PPP1CC: variants seen among roughly 807,000 people sequenced by gnomAD.
PPP1CC encodes the protein serine/threonine-protein phosphatase PP1-gamma catalytic subunit.
PPP1CC carries 16 observed loss-of-function variants against 38.4 expected under a neutral mutation model. That is an observed-to-expected ratio of 0.42 (90% CI 0.28 to 0.63). PPP1CC has a LOEUF of 0.63. Among genes scored for constraint, PPP1CC ranks in the 30% least tolerant of loss-of-function variants. The pLI is 0.25. For missense variants in PPP1CC, 170 were observed against 391.3 expected (o/e 0.43, Z 4.77); for synonymous variants, 158 against 136.0 (o/e 1.16, Z -1.13).
At chr12:110,718,942 CAAT>C (rs757296561), downstream of PPP1CC, among the ~76,000 whole-genome samples, 6 of 152,026 alleles carry the variant, frequency 3.9e-5, no homozygotes, top group Non-Finnish European at 7.4e-5. Flanking sequence ...TACCACACTC[CAAT>C]AATGATATAA....
chr12:110,716,580 T>A (rs1285126760), downstream of PPP1CC, among the ~76,000 whole-genome samples: 1 of 152,168 alleles, frequency 6.6e-6, no homozygotes, highest in Non-Finnish European at 1.5e-5. Flanking sequence ...CTCATACTCG[T>A]GACCTCAAGT....
Position 110,721,012 on chromosome 12 carries a change from TC to T in PPP1CC, c.*63del, listed in dbSNP as rs765541479. The stretch of plus-strand genomic sequence containing the variant: ...GCAAGCTGACCAGTACACATTACAG[TC>T]TTAAAAATGAAGGTTATATACTCTA... On this transcript the variant is annotated 3_prime_UTR_variant, in exon 7 of 7. Coordinates refer to ENST00000335007, the MANE Select transcript of PPP1CC (RefSeq NM_002710.4). 7.0e-7 allele frequency: 1 copy of T among 1,434,824 alleles called. No individual in the cohort carries two copies. Among genetic ancestry groups the T allele is most frequent in the Non-Finnish European group, 9.8e-7 (1 of 1,018,920 alleles). 88.9% of individuals were successfully genotyped at this position (1,434,824 alleles called of 1,614,324 possible). A position where few individuals can be genotyped will look rare whatever the true frequency, so the allele number is the denominator to read the frequency against.
At chr12:110,719,502 C>T (rs1348175189), downstream of PPP1CC, among the ~76,000 whole-genome samples, 1 of 152,114 alleles carries the variant, frequency 6.6e-6, no homozygotes, top group Non-Finnish European at 1.5e-5. Flanking sequence ...ATACTGTGTT[C>T]CATATAAACC....
downstream of PPP1CC, among the ~76,000 whole-genome samples, chr12:110,715,308 G>A (rs780160919): frequency 5.3e-5 from 8 of 152,088 alleles, no homozygotes; most frequent in Non-Finnish European, 1.0e-4. Flanking sequence ...ACACAAGAAT[G>A]AATTTGAAAT....
Position 110,720,312 on chromosome 12 carries a change from A to T in PPP1CC, c.*764T>A. ...CACTATATCACTAATTGCTATTCAAAATCAAAAACCTGTTTTTGAATCCCC... is the reference window on the plus strand; with the variant it reads ...CACTATATCACTAATTGCTATTCAATATCAAAAACCTGTTTTTGAATCCCC... On this transcript the variant is annotated 3_prime_UTR_variant, in exon 7 of 7. Coordinates refer to ENST00000335007, the MANE Select transcript of PPP1CC (RefSeq NM_002710.4). The T allele has an allele frequency of 4.1e-6, 4 of 979,972 alleles. No individual in the cohort carries two copies. The highest frequency in any genetic ancestry group is 6.0e-6 in the Non-Finnish European group (4 of 661,594). 60.7% of individuals were successfully genotyped at this position (979,972 alleles called of 1,614,324 possible). A position where few individuals can be genotyped will look rare whatever the true frequency, so the allele number is the denominator to read the frequency against.
At chr12:110,710,534 T>C in the PPP1CC span, among the ~76,000 whole-genome samples, 23 of 150,520 alleles carry the variant, frequency 1.5e-4, no homozygotes, top group South Asian at 2.5e-3. Context: ...CTGGCTAACA[T>C]GGTGAAACCC....
At chr12:110,738,258 A>AT (rs1487323665) in intron 1 of PPP1CC, among the ~76,000 whole-genome samples, 2 of 152,238 alleles carry the variant, frequency 1.3e-5, no homozygotes, top group Non-Finnish European at 2.9e-5. Flanking sequence ...GATGCTTTGG[A>AT]TACAGAGGTA....
chr12:110,737,160 A>T (rs2069952888), intron 1 of PPP1CC, among the ~76,000 whole-genome samples: 1 of 152,224 alleles, frequency 6.6e-6, no homozygotes, highest in Non-Finnish European at 1.5e-5. Flanking sequence ...TTCTGCAAAA[A>T]GTATAAACCA....
At chr12:110,732,005 G>A in intron 1 of PPP1CC, 104 bp from the exon 2 acceptor site, 9 of 1,287,478 alleles carry the variant, frequency 7.0e-6, no homozygotes, top group Non-Finnish European at 8.6e-6. Context: ...CTTTCTGAGT[G>A]GCTTCATTTT....
At position 110,720,454 on chromosome 12, in the gene PPP1CC, T is replaced by G. The variant is rs1210308523; in HGVS notation, c.*622A>C. 2.2e-6 allele frequency: 1 copy of G among 455,110 alleles called. No individual in the cohort carries two copies. The highest frequency in any genetic ancestry group is 2.0e-5 in the African/African-American group (1 of 49,932). The allele number at this position is 455,110 out of a possible 1,614,324, so 28.2% of individuals were successfully genotyped here. A position where few individuals can be genotyped will look rare whatever the true frequency, so the allele number is the denominator to read the frequency against. On this transcript the variant is annotated 3_prime_UTR_variant, in exon 7 of 7. Coordinates refer to ENST00000335007, the MANE Select transcript of PPP1CC (RefSeq NM_002710.4). ...TCACAAATATTTAAAAGAATGGCTTTGTCATTTTAAGTATACGGTCGGGGA... is the reference window on the plus strand; with the variant it reads ...TCACAAATATTTAAAAGAATGGCTTGGTCATTTTAAGTATACGGTCGGGGA...
chr12:110,730,691 T>G lies in PPP1CC; in HGVS notation c.256A>C (p.Asn86His). 6.2e-7 allele frequency: 1 copy of G among 1,614,180 alleles called. No individual in the cohort carries two copies. Among genetic ancestry groups the G allele is most frequent in the East Asian group, 2.2e-5 (1 of 44,872 alleles). Residue 86 changes from asparagine (N) to histidine (H), a missense_variant, in exon 3 of 7, where the codon AAC becomes CAC. By Grantham distance (68) the Asn-to-His change is moderately conservative. This residue lies in a region of PPP1CC where 117 missense variants were observed against 344.4 expected (regional missense o/e 0.34). Coordinates refer to ENST00000335007, the MANE Select transcript of PPP1CC (RefSeq NM_002710.4). ...FEYGGFPPES[N>H]YLFLGDYVDR... ...ACATAGTCCCCAAGAAACAGGTAGT[T>G]GCTTTCTGGTGGGAAACCACCGTAC...
chr12:110,734,319 T>C (rs2069916223), intron 1 of PPP1CC, among the ~76,000 whole-genome samples: 1 of 152,180 alleles, frequency 6.6e-6, no homozygotes, highest in South Asian at 2.1e-4. Flanking sequence ...CTGGTGGCAT[T>C]AGAATTAAAC....
In PPP1CC at chr12:110,724,691, G is replaced by A. The variant is rs756071308; in HGVS notation, c.492C>T (p.Ile164=). 1.8e-5 allele frequency: 29 copies of A among 1,612,968 alleles called. No individual in the cohort carries two copies. Among genetic ancestry groups the A allele is most frequent in the African/African-American group, 5.3e-5 (4 of 74,896 alleles). Residue 164 remains isoleucine (I), a synonymous_variant, in exon 4 of 7, where the codon ATC becomes ATT. Coordinates refer to ENST00000335007, the MANE Select transcript of PPP1CC (RefSeq NM_002710.4). The part of the protein sequence containing the change: ...DCFNCLPIAA[I]VDEKIFCCHG... ...GACAGCAGAATATCTTCTCATCCAC[G>A]ATGGCTGCTATCGGTAAACAGTTAA...
At chr12:110,731,933 A>C (rs1381857058) in intron 1 of PPP1CC, 32 bp from the exon 2 acceptor site, 2 of 1,605,734 alleles carry the variant, frequency 1.2e-6, no homozygotes, top group Admixed American at 3.4e-5. Context: ...TAGTCCAATG[A>C]AGCCAAAATA....
chr12:110,711,786 G>A, the PPP1CC span, among the ~76,000 whole-genome samples: 2 of 151,788 alleles, frequency 1.3e-5, no homozygotes, highest in African/African-American at 4.8e-5. Flanking sequence ...TTAGCTGGGC[G>A]TGGTGGTGCA....
chr12:110,734,401 T>G (rs1169066007), intron 1 of PPP1CC, among the ~76,000 whole-genome samples: 1 of 152,218 alleles, frequency 6.6e-6, no homozygotes, highest in Non-Finnish European at 1.5e-5. Flanking sequence ...TGGAGTGCAA[T>G]GGCACGATCT....
At chr12:110,731,472 C>T (rs948448912) in intron 2 of PPP1CC, among the ~76,000 whole-genome samples, 17 of 152,074 alleles carry the variant, frequency 1.1e-4, no homozygotes, top group African/African-American at 3.9e-4. Flanking sequence ...AAACATATTC[C>T]TATACATCCA....
chr12:110,735,427 C>G (rs1657488002), intron 1 of PPP1CC, among the ~76,000 whole-genome samples: 1 of 152,178 alleles, frequency 6.6e-6, no homozygotes, highest in Non-Finnish European at 1.5e-5. Flanking sequence ...GGCCGCGATG[C>G]TACATCTAGT....
At chr12:110,708,870 A>G in the PPP1CC span, among the ~76,000 whole-genome samples, 1 of 150,284 alleles carries the variant, frequency 6.7e-6, no homozygotes, top group East Asian at 1.9e-4. Flanking sequence ...AAAAAAAAAG[A>G]AAAGAAAAGA....
Sources: gnomAD v4.1 joint callset for allele counts (sites outside exome capture counted in the v4.1 genomes callset) on GRCh38, gnomAD v4.1.1 for gene constraint, gnomAD v4.1.1 regional missense constraint, MANE v1.5 for transcripts, NCBI Gene and HGNC (gene_info 2026-07-23, HGNC 2026-07-21) for gene names.